Variants in MSRA observed in about 807,000 individuals in gnomAD.
The protein encoded by MSRA is methionine sulfoxide reductase A.
A neutral mutation model predicts 31.3 loss-of-function variants in MSRA; 54 were observed. The ratio of observed to expected loss-of-function variants is 1.73; its 90% CI spans 1.39 to 2.17. The LOEUF is 2.17. Ranked by LOEUF, MSRA falls within the 30% of genes most tolerant of loss-of-function variation. The probability of loss-of-function intolerance (pLI) is 0.00; values close to 1 mark genes in which losing one functional copy is unlikely to be tolerated. For synonymous variants in MSRA, 169 were observed against 116.5 expected, an observed-to-expected ratio of 1.45 and a Z score of -2.90; for missense variants, 507 against 300.9, an observed-to-expected ratio of 1.69 and a Z score of -5.07.
intron 3 of MSRA, among the ~76,000 whole-genome samples, chr8:10,247,090 G>T (rs755432909): frequency 6.6e-6 from 1 of 152,182 alleles, no homozygotes. Context: ...TTGTTTGCTC[G>T]AACCCTTTTC....
chr8:10,302,712 A>G (rs1585410942), intron 4 of MSRA, among the ~76,000 whole-genome samples: 1 of 152,330 alleles, frequency 6.6e-6, no homozygotes, highest in Non-Finnish European at 1.5e-5. Flanking sequence ...ATCCACGCAG[A>G]TCTATCAGGG....
intron 3 of MSRA, among the ~76,000 whole-genome samples, chr8:10,261,317 C>G (rs11989496): frequency 0.3 from 44,864 of 150,494 alleles, 7,066 homozygotes; most frequent in East Asian, 0.37. Flanking sequence ...AGTCACTATG[C>G]TAGGGACCGG....
At chr8:10,345,618 A>G (rs1232555208) in intron 5 of MSRA, among the ~76,000 whole-genome samples, 4 of 152,244 alleles carry the variant, frequency 2.6e-5, no homozygotes, top group Non-Finnish European at 5.9e-5. Flanking sequence ...ATAATTATGA[A>G]GAATTCTAAT....
intron 1 of MSRA, among the ~76,000 whole-genome samples, chr8:10,127,068 C>G (rs73528997): frequency 0.052 from 7,942 of 152,314 alleles, 413 homozygotes; most frequent in African/African-American, 0.13. Context: ...GGCGAACATA[C>G]TACCAGACAT....
chr8:10,421,617 T>G (rs1279390994), intron 5 of MSRA, among the ~76,000 whole-genome samples: 1 of 152,108 alleles, frequency 6.6e-6, no homozygotes, highest in Non-Finnish European at 1.5e-5. Flanking sequence ...ACATGTTCAT[T>G]ACATTTATTA....
At chr8:10,175,092 G>C (rs1303753073) in intron 1 of MSRA, among the ~76,000 whole-genome samples, 1 of 152,016 alleles carries the variant, frequency 6.6e-6, no homozygotes, top group Non-Finnish European at 1.5e-5. Flanking sequence ...TACCTGTCTA[G>C]CCCCTTTCCC....
intron 3 of MSRA, among the ~76,000 whole-genome samples, chr8:10,277,123 G>A (rs1010324767): frequency 2.6e-5 from 4 of 152,276 alleles, no homozygotes; most frequent in East Asian, 1.9e-4. Flanking sequence ...GAATTAGGAC[G>A]TGTTTTAAAA....
At chr8:10,179,921 C>A (rs1010642557) in intron 1 of MSRA, among the ~76,000 whole-genome samples, 1 of 152,190 alleles carries the variant, frequency 6.6e-6, no homozygotes, top group Non-Finnish European at 1.5e-5. Flanking sequence ...AAAACTGTTT[C>A]CTCTACACTC....
At chr8:10,098,417 C>T (rs185738153) in intron 1 of MSRA, among the ~76,000 whole-genome samples, 35 of 152,200 alleles carry the variant, frequency 2.3e-4, no homozygotes, top group Middle Eastern at 3.4e-3. Flanking sequence ...TCTCAGGAAG[C>T]GTTAGTCCAG....
intron 1 of MSRA, among the ~76,000 whole-genome samples, chr8:10,166,461 A>G (rs967015802): frequency 1.3e-5 from 2 of 152,072 alleles, no homozygotes; most frequent in Non-Finnish European, 2.9e-5. Flanking sequence ...TACATATGTT[A>G]TATTTACATG....
chr8:10,262,790 A>T (rs538785892), intron 3 of MSRA, among the ~76,000 whole-genome samples: 1 of 152,222 alleles, frequency 6.6e-6, no homozygotes, highest in Non-Finnish European at 1.5e-5. Context: ...GTTAGTCTCA[A>T]TATTCTCCCA....
At chr8:10,262,358 G>C (rs975402054) in intron 3 of MSRA, among the ~76,000 whole-genome samples, 2 of 152,196 alleles carry the variant, frequency 1.3e-5, no homozygotes, top group Non-Finnish European at 1.5e-5. Context: ...GGGAGTTCCT[G>C]TTACTTTACA....
chr8:10,384,209 T>C (rs1488287336), intron 5 of MSRA, among the ~76,000 whole-genome samples: 2 of 151,974 alleles, frequency 1.3e-5, no homozygotes, highest in African/African-American at 4.8e-5. Flanking sequence ...CCCTTAGAGA[T>C]GGGGAGAAAT....
At chr8:10,362,018 T>G (rs1216464707) in intron 5 of MSRA, among the ~76,000 whole-genome samples, 1 of 152,160 alleles carries the variant, frequency 6.6e-6, no homozygotes, top group Non-Finnish European at 1.5e-5. Context: ...TGTTTTCGTC[T>G]TTTGGCCCCA....
intron 1 of MSRA, among the ~76,000 whole-genome samples, chr8:10,164,859 C>T (rs989668255): frequency 7.2e-5 from 11 of 152,096 alleles, no homozygotes; most frequent in African/African-American, 2.4e-4. Flanking sequence ...GAAACCCTGT[C>T]TCTACTAAAA....
intron 1 of MSRA, among the ~76,000 whole-genome samples, chr8:10,170,018 T>G (rs924506127): frequency 1.3e-5 from 2 of 149,488 alleles, no homozygotes. Flanking sequence ...TGGGCTCAAG[T>G]GTCTACCACT....
At chr8:10,425,906 CT>C (rs1283142513) in intron 5 of MSRA, among the ~76,000 whole-genome samples, 1 of 152,232 alleles carries the variant, frequency 6.6e-6, no homozygotes, top group Non-Finnish European at 1.5e-5. Context: ...CCGAACTTGC[CT>C]TGGACCAGGA....
chr8:10,307,874 C>G (rs1801225012), intron 4 of MSRA, among the ~76,000 whole-genome samples: 1 of 152,214 alleles, frequency 6.6e-6, no homozygotes, highest in African/African-American at 2.4e-5. Context: ...CCCATAAAGA[C>G]AAAATCCCTG....
In MSRA at chr8:10,394,336, C is replaced by T. The variant is rs540077866; in HGVS notation, c.544-33812C>T. 1.1e-4 allele frequency among the ~76,000 whole-genome samples: 16 copies of T among 152,312 alleles called. No individual in the cohort carries two copies. In the East Asian group the frequency reaches 3.1e-3, roughly 29 times the overall value. ...TAGCAGTGTACCAGATCCTACCACA[C>T]AGGGTGTCAAGCCATAAACAGAGTT... On this transcript the variant is annotated intron_variant, in intron 5 of 5. Transcript: ENST00000317173.
Sources: allele counts gnomAD v4.1 joint callset (sites outside exome capture counted in the v4.1 genomes callset), GRCh38; gene constraint gnomAD v4.1.1; transcripts MANE v1.5; gene names NCBI Gene and HGNC (gene_info 2026-07-23, HGNC 2026-07-21).